CREBL2: variants seen among roughly 807,000 people sequenced by gnomAD.
The protein encoded by CREBL2 is cAMP responsive element binding protein like 2.
Under a neutral mutation model 19.5 loss-of-function variants are expected in CREBL2, and 4 were observed. The ratio of observed to expected loss-of-function variants is 0.20; its 90% CI spans 0.10 to 0.47. The LOEUF is 0.47. Ranked by LOEUF, CREBL2 falls within the 20% of genes least tolerant of loss-of-function variation. The probability of loss-of-function intolerance (pLI) is 0.98; values close to 1 mark genes in which losing one functional copy is unlikely to be tolerated. For synonymous variants in CREBL2, 42 were observed against 46.6 expected, an observed-to-expected ratio of 0.90 and a Z score of 0.40; for missense variants, 85 against 145.1, an observed-to-expected ratio of 0.59 and a Z score of 2.13.
chr12:12,640,245 A>G (rs1945507464), intron 3 of CREBL2, among the ~76,000 whole-genome samples: 1 of 151,732 alleles, frequency 6.6e-6, no homozygotes, highest in South Asian at 2.1e-4. Flanking sequence ...CAAGACAGAC[A>G]TTTCCCAGAG....
At chr12:12,617,767 T>C (rs1176075470) in intron 1 of CREBL2, among the ~76,000 whole-genome samples, 1 of 142,798 alleles carries the variant, frequency 7.0e-6, no homozygotes, top group Non-Finnish European at 1.5e-5. Flanking sequence ...GGTCAGCAGA[T>C]AAACATGTGA....
chr12:12,632,329 G>A (rs773529850), intron 1 of CREBL2, among the ~76,000 whole-genome samples: 44 of 151,600 alleles, frequency 2.9e-4, no homozygotes, highest in South Asian at 6.2e-4. Flanking sequence ...CGCCCGCCTC[G>A]GCCTCCCAAA....
chr12:12,611,966 G>A lies in CREBL2; in HGVS notation c.-207G>A. On this transcript the variant is annotated 5_prime_UTR_variant, in exon 1 of 4. It introduces an in-frame stop codon into an upstream open reading frame of the 5' UTR. Transcript: ENST00000228865. The stretch of plus-strand genomic sequence containing the variant: ...CGGCGGCGGCGAAGGGAGGCGTTTG[G>A]GGCCGCCTCCAGGGTCCGCTCTGCC... 1.7e-6 allele frequency: 1 copy of A among 604,840 alleles called. No individual in the cohort carries two copies. Among genetic ancestry groups the A allele is most frequent in the African/African-American group, 1.9e-5 (1 of 53,314 alleles). 37.5% of individuals were successfully genotyped at this position (604,840 alleles called of 1,614,324 possible).
At chr12:12,626,250 T>G (rs539016392) in intron 1 of CREBL2, among the ~76,000 whole-genome samples, 372 of 152,368 alleles carry the variant, frequency 2.4e-3, no homozygotes, top group Admixed American at 5.1e-3. Context: ...CTGTGGAAGT[T>G]AAACTTGTTG....
chr12:12,637,686 T>C lies in CREBL2; in HGVS notation c.330T>C (p.Ala110=), dbSNP rs1945485474. The C allele has an allele frequency of 6.2e-7, 1 of 1,612,658 alleles. No individual in the cohort carries two copies. Among genetic ancestry groups the C allele is most frequent in the Non-Finnish European group, 8.5e-7 (1 of 1,179,492 alleles). ...AGAACTCAAGCAGGCATACCAAGGC[T>C]GGGAAGACAGATGCTAATAGCAATT... ...SQQNSSRHTK[A]GKTDANSNSW is the part of the protein sequence containing the mutation. Residue 110 remains alanine (A), a synonymous_variant, in exon 3 of 4, where the codon GCT becomes GCC. Transcript: ENST00000228865.
chr12:12,616,709 A>G (rs993637826), intron 1 of CREBL2, among the ~76,000 whole-genome samples: 1 of 152,242 alleles, frequency 6.6e-6, no homozygotes, highest in Admixed American at 6.5e-5. Context: ...ACAAAATTGT[A>G]CTGTCCTCCT....
At chr12:12,618,799 C>T (rs889004183) in intron 1 of CREBL2, among the ~76,000 whole-genome samples, 1 of 152,228 alleles carries the variant, frequency 6.6e-6, no homozygotes, top group African/African-American at 2.4e-5. Context: ...GAGGCCCAGG[C>T]GGGCAGATCA....
Position 12,613,577 on chromosome 12 carries a change from C to G in CREBL2, c.15+1390C>G, listed in dbSNP as rs538829968. Among the ~76,000 whole-genome samples, 3 of 152,278 alleles carry G rather than the reference C, an allele frequency of 2.0e-5. No individual in the cohort carries two copies. The East Asian group carries it at 5.8e-4, about 29-fold the overall frequency. On this transcript the variant is annotated intron_variant, in intron 1 of 3. Coordinates refer to ENST00000228865, the MANE Select transcript of CREBL2 (RefSeq NM_001310.4). ...GGAAGTGACAGATGGAAGGGAAAGC[C>G]CAGTGCAGTACTCTGGAATTGTTAC...
chr12:12,613,500 GT>G (rs1370920912), intron 1 of CREBL2, among the ~76,000 whole-genome samples: 4 of 152,056 alleles, frequency 2.6e-5, no homozygotes, highest in Non-Finnish European at 4.4e-5. Flanking sequence ...TGTGTTCCTT[GT>G]TTTATTCTTT....
intron 3 of CREBL2, among the ~76,000 whole-genome samples, chr12:12,640,445 C>A (rs1443907726): frequency 6.6e-6 from 1 of 152,090 alleles, no homozygotes. Flanking sequence ...GGTTTTCTTC[C>A]CTTGTTCCAT....
At chr12:12,640,395 T>C (rs962342390) in intron 3 of CREBL2, among the ~76,000 whole-genome samples, 20 of 152,354 alleles carry the variant, frequency 1.3e-4, no homozygotes, top group African/African-American at 4.6e-4. Flanking sequence ...AAGAGAAATA[T>C]GGCTCTTTTT....
chr12:12,612,198 T>G lies in CREBL2; in HGVS notation c.15+11T>G, dbSNP rs775185779. On this transcript the variant is annotated intron_variant, in intron 1 of 3. Coordinates refer to ENST00000228865, the MANE Select transcript of CREBL2 (RefSeq NM_001310.4). ...ATGGATGACAGTAAGGTAAGTCTTG[T>G]GGTTTGCACGCGCCGCCGCCTTCTT... is the stretch of plus-strand genomic sequence containing the variant. 4.0e-5 allele frequency: 64 copies of G among 1,613,470 alleles called. No homozygotes were observed. Among genetic ancestry groups the G allele is most frequent in the Non-Finnish European group, 1.0e-5 (12 of 1,180,018 alleles).
chr12:12,640,030 G>A (rs1945505798), intron 3 of CREBL2, among the ~76,000 whole-genome samples: 1 of 152,136 alleles, frequency 6.6e-6, no homozygotes. Flanking sequence ...ACAGGGCAAA[G>A]GGCAAAAGCA....
chr12:12,626,796 G>C (rs1945405007), intron 1 of CREBL2, among the ~76,000 whole-genome samples: 1 of 151,692 alleles, frequency 6.6e-6, no homozygotes, highest in African/African-American at 2.4e-5. Context: ...AGCTACTTGG[G>C]AGGGTGAGGC....
intron 1 of CREBL2, among the ~76,000 whole-genome samples, chr12:12,634,955 A>G (rs952686048): frequency 2.6e-5 from 4 of 151,106 alleles, no homozygotes; most frequent in African/African-American, 9.7e-5. Context: ...CCCAGCTACT[A>G]GGGAGGCTGA....
In CREBL2 at chr12:12,644,144, G is replaced by A. The variant is rs1945546770; in HGVS notation, c.*2146G>A. On this transcript the variant is annotated 3_prime_UTR_variant, in exon 4 of 4. Transcript: ENST00000228865. Reference sequence around the variant, plus strand: ...GGAGCAGGGAAGAGCAGTAGAGGATGTATAATTTTGGGCGAAGTTAAATTA... The same window carrying A: ...GGAGCAGGGAAGAGCAGTAGAGGATATATAATTTTGGGCGAAGTTAAATTA... 1 of 152,532 alleles carries A rather than the reference G, an allele frequency of 6.6e-6. No homozygotes were observed. Among genetic ancestry groups the A allele is most frequent in the South Asian group, 2.1e-4 (1 of 4,824 alleles). The allele number at this position is 152,532 out of a possible 1,614,324, so 9.4% of individuals were successfully genotyped here.
chr12:12,614,827 T>C lies in CREBL2; in HGVS notation c.15+2640T>C. 3 of 342,542 alleles carry C rather than the reference T, an allele frequency of 8.8e-6. No individual in the cohort carries two copies. The Admixed American group carries it at 9.6e-5, about 11-fold the overall frequency. The allele number at this position is 342,542 out of a possible 1,614,324, so 21.2% of individuals were successfully genotyped here. On this transcript the variant is annotated intron_variant, in intron 1 of 3. Coordinates refer to ENST00000228865, the MANE Select transcript of CREBL2 (RefSeq NM_001310.4). ...TGGGTAACATTGTAGACTCTTCCAG[T>C]TTTGCCATAGTAAGATTTGTAGGGC...
chr12:12,637,296 G>A (rs1210975779), intron 2 of CREBL2, among the ~76,000 whole-genome samples: 2 of 151,762 alleles, frequency 1.3e-5, no homozygotes, highest in African/African-American at 4.8e-5. Context: ...TTAACCACAG[G>A]GGCCTTTTAA....
In CREBL2 at chr12:12,641,247, A is replaced by ATTTTTTTT. The variant is rs1380373401; in HGVS notation, c.359-745_359-744insTTTTTTTT. 6.0e-3 allele frequency among the ~76,000 whole-genome samples: 131 copies of ATTTTTTTT among 22,004 alleles called. 2 individuals carry two copies. Among genetic ancestry groups the ATTTTTTTT allele is most frequent in the East Asian group, 9.5e-3 (9 of 944 alleles). 14.4% of individuals were successfully genotyped at this position (22,004 alleles called of 152,430 possible). A position where few individuals can be genotyped will look rare whatever the true frequency, so the allele number is the denominator to read the frequency against. On this transcript the variant is annotated intron_variant, in intron 3 of 3. Transcript: ENST00000228865. ...AACCTTTATTATTATTATTATTATT[A>ATTTTTTTT]TTATTATTTTTTTTTATTTTTTTTT...
Sources: allele counts gnomAD v4.1 joint callset (sites outside exome capture counted in the v4.1 genomes callset), GRCh38; gene constraint gnomAD v4.1.1; transcripts MANE v1.5; gene names NCBI Gene and HGNC (gene_info 2026-07-23, HGNC 2026-07-21).